DAB1: variants seen among roughly 807,000 people sequenced by gnomAD.
DAB1 encodes the protein disabled homolog 1.
In DAB1, 15 loss-of-function variants were observed where a neutral mutation model predicts 64.6. That is an observed-to-expected ratio of 0.23 (90% CI 0.16 to 0.36). The LOEUF (loss-of-function observed/expected upper bound fraction) is 0.36. Among genes scored for constraint, DAB1 ranks in the 10% least tolerant of loss-of-function variants. The pLI is 1.00. For missense variants in DAB1, 596 were observed against 706.7 expected, an observed-to-expected ratio of 0.84 and a Z score of 1.78; for synonymous variants, 235 against 251.9, an observed-to-expected ratio of 0.93 and a Z score of 0.64.
intron 1 of DAB1, among the ~76,000 whole-genome samples, chr1:57,868,233 G>A (rs1055792488): frequency 1.2e-4 from 18 of 152,274 alleles, no homozygotes; most frequent in Admixed American, 5.9e-4. Flanking sequence ...TCCTTTTGGT[G>A]TGCCATTTAT....
intron 5 of DAB1, among the ~76,000 whole-genome samples, chr1:57,897,592 T>C (rs1557543498): frequency 6.6e-6 from 1 of 152,126 alleles, no homozygotes; most frequent in African/African-American, 2.4e-5. Flanking sequence ...GCCTTTTCCC[T>C]AATATTACAG....
At chr1:57,575,933 C>T (rs982724610) in intron 7 of DAB1, among the ~76,000 whole-genome samples, 5 of 152,016 alleles carry the variant, frequency 3.3e-5, no homozygotes, top group African/African-American at 1.2e-4. Context: ...GGTTCACCCC[C>T]CAAAAAATAT....
At chr1:58,229,095 T>G in intron 4 of DAB1, 1 of 240,496 alleles carries the variant, frequency 4.2e-6, no homozygotes, top group African/African-American at 2.3e-5. Context: ...GCCTCCTCGG[T>G]ACCTGGTACT....
chr1:58,069,070 A>G (rs1217168370), intron 5 of DAB1, among the ~76,000 whole-genome samples: 1 of 152,216 alleles, frequency 6.6e-6, no homozygotes, highest in Non-Finnish European at 1.5e-5. Flanking sequence ...GACATGCTAT[A>G]TGACGGCTTT....
chr1:57,872,501 T>C (rs1228518232), intron 1 of DAB1, among the ~76,000 whole-genome samples: 3 of 152,198 alleles, frequency 2.0e-5, no homozygotes, highest in African/African-American at 7.2e-5. Context: ...TATAAGCTAT[T>C]AAGTTTTGCT....
chr1:57,837,786 T>C (rs1267498315), intron 1 of DAB1, among the ~76,000 whole-genome samples: 2 of 146,262 alleles, frequency 1.4e-5, no homozygotes, highest in African/African-American at 2.5e-5. Flanking sequence ...CTCCACCACC[T>C]TCACCACCCC....
At chr1:58,378,992 A>T (rs1005135908) in intron 3 of DAB1, among the ~76,000 whole-genome samples, 1 of 145,352 alleles carries the variant, frequency 6.9e-6, no homozygotes, top group Non-Finnish European at 1.5e-5. Flanking sequence ...GAACTCCCTG[A>T]CCCCTTGCGC....
At chr1:58,252,612 G>A (rs1033007188) in intron 4 of DAB1, among the ~76,000 whole-genome samples, 1 of 152,094 alleles carries the variant, frequency 6.6e-6, no homozygotes, top group African/African-American at 2.4e-5. Flanking sequence ...AGATTCCAGA[G>A]GCCTCCAGGA....
At chr1:57,131,073 CA>C (rs1657614288) in intron 4 of DAB1, among the ~76,000 whole-genome samples, 1 of 152,164 alleles carries the variant, frequency 6.6e-6, no homozygotes, top group Non-Finnish European at 1.5e-5. Flanking sequence ...AACCCCTCTG[CA>C]AAAAGTTGTG....
chr1:57,105,358 G>A (rs1306815374), intron 4 of DAB1, among the ~76,000 whole-genome samples: 2 of 151,902 alleles, frequency 1.3e-5, no homozygotes, highest in Non-Finnish European at 2.9e-5. Flanking sequence ...AAGAGAAAAA[G>A]CCCTTTCAAG....
intron 4 of DAB1, among the ~76,000 whole-genome samples, chr1:57,110,557 C>T (rs1450421106): frequency 6.6e-6 from 1 of 152,188 alleles, no homozygotes; most frequent in Non-Finnish European, 1.5e-5. Flanking sequence ...TTCGTTGATT[C>T]ACTCAACGTA....
chr1:57,274,792 G>T (rs1671324094), intron 2 of DAB1, among the ~76,000 whole-genome samples: 2 of 152,096 alleles, frequency 1.3e-5, no homozygotes, highest in East Asian at 3.9e-4. Flanking sequence ...ATGTTGGCCA[G>T]GCTGGTCTCG....
chr1:57,200,540 A>G (rs1359825471), intron 2 of DAB1, among the ~76,000 whole-genome samples: 2 of 152,204 alleles, frequency 1.3e-5, no homozygotes, highest in African/African-American at 4.8e-5. Flanking sequence ...CCATTCTACA[A>G]CTTGGGGTGA....
At chr1:57,869,446 C>T (rs1654442356) in intron 1 of DAB1, among the ~76,000 whole-genome samples, 1 of 152,112 alleles carries the variant, frequency 6.6e-6, no homozygotes, top group African/African-American at 2.4e-5. Flanking sequence ...GTTGACACTT[C>T]AAGCTGGAAA....
chr1:58,165,950 G>A (rs997853786), intron 4 of DAB1, among the ~76,000 whole-genome samples: 1 of 152,184 alleles, frequency 6.6e-6, no homozygotes, highest in Non-Finnish European at 1.5e-5. Context: ...AGTTCACCAT[G>A]AAGAGCCTGA....
At chr1:58,166,122 T>C (rs900822152) in intron 4 of DAB1, among the ~76,000 whole-genome samples, 1 of 152,244 alleles carries the variant, frequency 6.6e-6, no homozygotes, top group Non-Finnish European at 1.5e-5. Context: ...TCAATGACTA[T>C]ACATCAAGCT....
chr1:57,161,150 G>A (rs1660704973), intron 2 of DAB1, among the ~76,000 whole-genome samples: 1 of 152,114 alleles, frequency 6.6e-6, no homozygotes. Flanking sequence ...CAAAATCAAT[G>A]CATTTGGGGG....
chr1:57,327,492 C>T (rs760635242), intron 1 of DAB1, among the ~76,000 whole-genome samples: 9 of 152,122 alleles, frequency 5.9e-5, no homozygotes, highest in Non-Finnish European at 1.3e-4. Flanking sequence ...ATCTGCCAAT[C>T]CTCCGGACGG....
At chr1:58,430,871 G>C (rs960934072) in intron 3 of DAB1, among the ~76,000 whole-genome samples, 1 of 152,318 alleles carries the variant, frequency 6.6e-6, no homozygotes, top group Non-Finnish European at 1.5e-5. Context: ...GTGTGAGCGA[G>C]AGCAAGCCGC....
Sources: allele counts gnomAD v4.1 joint callset (sites outside exome capture counted in the v4.1 genomes callset), GRCh38; gene constraint gnomAD v4.1.1; transcripts MANE v1.5; gene names NCBI Gene and HGNC (gene_info 2026-07-23, HGNC 2026-07-21).